PCGF6: variants seen among roughly 807,000 people sequenced by gnomAD.
PCGF6 encodes polycomb group ring finger 6.
PCGF6 carries 24 observed loss-of-function variants against 45.5 expected under a neutral mutation model. That is an observed-to-expected ratio of 0.53 (90% CI 0.38 to 0.74). The LOEUF (loss-of-function observed/expected upper bound fraction) is 0.74. Ranked by LOEUF, PCGF6 falls within the 30% of genes least tolerant of loss-of-function variation. PCGF6 has a pLI of 0.00. For missense variants in PCGF6, 356 were observed against 443.2 expected (o/e 0.80, Z 1.77); for synonymous variants, 152 against 162.1 (o/e 0.94, Z 0.47).
chr10:103,326,712 G>C (rs2093220316), intron 7 of PCGF6, 80 bp from the exon 8 acceptor site: 2 of 976,712 alleles, frequency 2.0e-6, no homozygotes, highest in African/African-American at 3.3e-5. Flanking sequence ...TATATGTAAT[G>C]TGTAAACATT....
chr10:103,303,996 T>A, intron 9 of PCGF6, 35 bp from the exon 10 acceptor site: 4 of 1,564,036 alleles, frequency 2.6e-6, no homozygotes, highest in Non-Finnish European at 3.5e-6. Context: ...ATTTTGCAGT[T>A]CTTTCAAACC....
intron 6 of PCGF6, 150 bp downstream of exon 6, chr10:103,344,874 A>T: frequency 1.7e-6 from 1 of 580,910 alleles, no homozygotes; most frequent in Non-Finnish European, 3.0e-6. Flanking sequence ...CCGGCCCTTT[A>T]TACCTTTTTC....
chr10:103,349,042 T>C, intron 1 of PCGF6, 43 bp from the exon 2 acceptor site: 3 of 1,502,496 alleles, frequency 2.0e-6, no homozygotes, highest in Non-Finnish European at 2.7e-6. Context: ...AGTCCTTGCC[T>C]TTTACAAATT....
chr10:103,327,113 C>T (rs2093221716), intron 7 of PCGF6, among the ~76,000 whole-genome samples: 1 of 152,056 alleles, frequency 6.6e-6, no homozygotes, highest in African/African-American at 2.4e-5. Context: ...ATGGAGAAAC[C>T]CCGTCTCTAC....
chr10:103,322,318 T>C (rs1476361788), intron 8 of PCGF6, among the ~76,000 whole-genome samples: 1 of 152,024 alleles, frequency 6.6e-6, no homozygotes, highest in African/African-American at 2.4e-5. Flanking sequence ...TCAGCCTCCC[T>C]AGGAGCTAGG....
chr10:103,350,952 C>G lies in PCGF6; in HGVS notation c.115G>C (p.Ala39Pro). The change falls in exon 1 of 10, where the codon GCA becomes CCA. Residue 39 changes from alanine to proline, a missense_variant. Ala to Pro is a conservative substitution (Grantham distance 27). Coordinates refer to ENST00000369847, the MANE Select transcript of PCGF6 (RefSeq NM_001011663.2). ...GGCGCCGGTCCCTCCTCACCCGCTG[C>G]GGGTGCAGGGGTGAGGGCGGGCGGG... is the stretch of plus-strand genomic sequence containing the variant. ...VSPPALTPAP[A>P]AGEEGPAPLS... is the part of the protein sequence containing the mutation. 1 of 1,490,240 alleles carries G rather than the reference C, an allele frequency of 6.7e-7. No individual in the cohort carries two copies. The highest frequency in any genetic ancestry group is 1.3e-5 in the South Asian group (1 of 76,300). The allele number at this position is 1,490,240 out of a possible 1,614,324, so 92.3% of individuals were successfully genotyped here.
intron 6 of PCGF6, among the ~76,000 whole-genome samples, chr10:103,342,974 G>C (rs886127194): frequency 2.0e-5 from 3 of 152,066 alleles, no homozygotes; most frequent in African/African-American, 7.2e-5. Flanking sequence ...TGCCGCCCAG[G>C]CTGGAGTGCA....
At chr10:103,339,657 G>C (rs2093271095) in intron 6 of PCGF6, among the ~76,000 whole-genome samples, 1 of 150,804 alleles carries the variant, frequency 6.6e-6, no homozygotes, top group South Asian at 2.1e-4. Flanking sequence ...GGGTGTGGAG[G>C]AGGGCACTTG....
chr10:103,334,748 G>T (rs1564731589), intron 6 of PCGF6, among the ~76,000 whole-genome samples: 1 of 152,122 alleles, frequency 6.6e-6, no homozygotes, highest in Non-Finnish European at 1.5e-5. Flanking sequence ...GGAGACAAGG[G>T]TATCTAACTT....
intron 7 of PCGF6, among the ~76,000 whole-genome samples, chr10:103,328,589 G>C (rs966385184): frequency 1.3e-5 from 2 of 152,090 alleles, no homozygotes; most frequent in Non-Finnish European, 2.9e-5. Flanking sequence ...GATAAAAATA[G>C]CACCTGCTTC....
intron 9 of PCGF6, among the ~76,000 whole-genome samples, chr10:103,312,952 C>T (rs977983289): frequency 6.7e-6 from 1 of 148,616 alleles, no homozygotes; most frequent in East Asian, 2.0e-4. Flanking sequence ...CAGAGCGAGA[C>T]TCCGTCTCAA....
chr10:103,304,095 T>C, intron 9 of PCGF6, 134 bp from the exon 10 acceptor site: 1 of 681,954 alleles, frequency 1.5e-6, no homozygotes, highest in Non-Finnish European at 2.5e-6. Context: ...AGAAAATAAG[T>C]GGACCATATA....
At position 103,346,061 on chromosome 10, in the gene PCGF6, T is replaced by G. The variant is rs544766182; in HGVS notation, c.674-929A>C. ...TACAAAAAAAATTAGCTGGGTGTGG[T>G]GGCACATGCCTGTAATCCCAGCTAC... On this transcript the variant is annotated intron_variant, in intron 5 of 9. Transcript: ENST00000369847. Among the ~76,000 whole-genome samples, 6 of 149,228 alleles carry G rather than the reference T, an allele frequency of 4.0e-5. No homozygotes were observed. In the South Asian group the frequency reaches 1.3e-3, roughly 32 times the overall value.
intron 1 of PCGF6, among the ~76,000 whole-genome samples, chr10:103,349,582 G>C (rs2093313401): frequency 7.2e-6 from 1 of 138,130 alleles, no homozygotes; most frequent in South Asian, 2.4e-4. Flanking sequence ...CCAGATTCAA[G>C]TGATTCTCCT....
chr10:103,330,646 G>T (rs1340420545), intron 7 of PCGF6, among the ~76,000 whole-genome samples: 1 of 152,166 alleles, frequency 6.6e-6, no homozygotes, highest in African/African-American at 2.4e-5. Flanking sequence ...AAAGACGCCT[G>T]GCTGGGCAAG....
At chr10:103,338,518 C>T (rs904689732) in intron 6 of PCGF6, among the ~76,000 whole-genome samples, 3 of 147,084 alleles carry the variant, frequency 2.0e-5, no homozygotes, top group African/African-American at 7.5e-5. Context: ...GCACTCCAGC[C>T]TGGGAAACAG....
chr10:103,309,222 A>G (rs2093148191), intron 9 of PCGF6, among the ~76,000 whole-genome samples: 1 of 151,960 alleles, frequency 6.6e-6, no homozygotes, highest in Non-Finnish European at 1.5e-5. Flanking sequence ...TTTGGGTGGA[A>G]TGATATGGTT....
chr10:103,324,540 C>T (rs535391683), intron 8 of PCGF6, among the ~76,000 whole-genome samples: 4 of 150,544 alleles, frequency 2.7e-5, no homozygotes, highest in South Asian at 2.1e-4. Flanking sequence ...GGGAGGATCA[C>T]GAGGTCAGGA....
intron 9 of PCGF6, among the ~76,000 whole-genome samples, chr10:103,313,264 C>T (rs2093163686): frequency 6.6e-6 from 1 of 152,156 alleles, no homozygotes; most frequent in African/African-American, 2.4e-5. Context: ...CTTTGGCCAA[C>T]ATAAAATATG....
Sources: allele counts gnomAD v4.1 joint callset (sites outside exome capture counted in the v4.1 genomes callset), GRCh38; gene constraint gnomAD v4.1.1; transcripts MANE v1.5; gene names NCBI Gene and HGNC (gene_info 2026-07-23, HGNC 2026-07-21).